Variants in HECW1 observed in about 807,000 individuals in gnomAD.
HECW1 encodes the protein HECT, C2 and WW domain containing E3 ubiquitin protein ligase 1.
Under a neutral mutation model 182.3 loss-of-function variants are expected in HECW1, and 61 were observed. The observed-to-expected ratio is 0.33, with a 90% CI of 0.27 to 0.41. HECW1 has a LOEUF of 0.41. Among genes scored for constraint, HECW1 ranks in the 10% least tolerant of loss-of-function variants. The pLI is 1.00. For missense variants in HECW1, 1,739 were observed against 2,108.9 expected (o/e 0.82, Z 3.44); for synonymous variants, 859 against 832.6 (o/e 1.03, Z -0.55).
intron 2 of HECW1, among the ~76,000 whole-genome samples, chr7:43,121,230 G>T (rs1472980842): frequency 6.6e-6 from 1 of 152,132 alleles, no homozygotes; most frequent in Non-Finnish European, 1.5e-5. Flanking sequence ...CTCAATTATT[G>T]TTGAGTTGAA....
intron 8 of HECW1, among the ~76,000 whole-genome samples, chr7:43,413,041 A>G (rs200841871): frequency 4.1e-3 from 549 of 133,504 alleles, no homozygotes; most frequent in East Asian, 0.021. Context: ...TGACTTCCAC[A>G]ATGGTTGAAC....
intron 5 of HECW1, among the ~76,000 whole-genome samples, chr7:43,326,811 G>A (rs1349900614): frequency 6.6e-6 from 1 of 152,220 alleles, no homozygotes. Context: ...GGAAAAGCAG[G>A]GCTCCAGGGG....
intron 17 of HECW1, among the ~76,000 whole-genome samples, chr7:43,486,647 T>G (rs1408512053): frequency 6.6e-6 from 1 of 152,244 alleles, no homozygotes; most frequent in Non-Finnish European, 1.5e-5. Flanking sequence ...GTGACAGCTA[T>G]GACATGACCA....
At chr7:43,209,762 G>A (rs988205111) in intron 2 of HECW1, among the ~76,000 whole-genome samples, 3 of 152,104 alleles carry the variant, frequency 2.0e-5, no homozygotes, top group African/African-American at 7.2e-5. Context: ...GAGAAGAGTG[G>A]ACATATCTGA....
chr7:43,263,185 T>C (rs463), intron 3 of HECW1, among the ~76,000 whole-genome samples: 23,440 of 152,266 alleles, frequency 0.15, 3,971 homozygotes, highest in African/African-American at 0.42. Flanking sequence ...AGGAATTTTA[T>C]TGAAGCATCT....
At chr7:43,364,491 C>T (rs1816370670) in intron 6 of HECW1, among the ~76,000 whole-genome samples, 2 of 152,336 alleles carry the variant, frequency 1.3e-5, no homozygotes, top group African/African-American at 2.4e-5. Flanking sequence ...AGTACTGGAG[C>T]GTGAAGCCTG....
At chr7:43,262,528 G>A (rs74344933) in intron 3 of HECW1, among the ~76,000 whole-genome samples, 4,956 of 152,148 alleles carry the variant, frequency 0.033, 148 homozygotes, top group East Asian at 0.16. Context: ...TTAAAACTAT[G>A]TTCTTTCCCT....
chr7:43,307,446 G>T (rs1807722636), intron 3 of HECW1, among the ~76,000 whole-genome samples: 1 of 152,180 alleles, frequency 6.6e-6, no homozygotes, highest in Admixed American at 6.5e-5. Flanking sequence ...ACCCTTTGCA[G>T]AGAGGAAAGA....
chr7:43,178,190 G>C (rs1474314976), intron 2 of HECW1, among the ~76,000 whole-genome samples: 1 of 152,144 alleles, frequency 6.6e-6, no homozygotes, highest in Non-Finnish European at 1.5e-5. Flanking sequence ...TATTTTAGTA[G>C]AGACGAGGTT....
rs775738815 is a variant in HECW1, at chr7:43,450,824, G to T, written c.2399-4G>T. 3.2e-6 allele frequency: 5 copies of T among 1,580,900 alleles called. No individual in the cohort carries two copies. Among genetic ancestry groups the T allele is most frequent in the Non-Finnish European group, 4.3e-6 (5 of 1,150,044 alleles). ...TCTGAATGTATTGACTATCTTGTCCGTAGGTGAATGTCCTATACTCCATAA... is the reference window on the plus strand; with the variant it reads ...TCTGAATGTATTGACTATCTTGTCCTTAGGTGAATGTCCTATACTCCATAA... On this transcript the variant is annotated splice_polypyrimidine_tract_variant and splice_region_variant and intron_variant, in intron 11 of 29. Transcript: ENST00000395891.
chr7:43,554,813 C>T, intron 29 of HECW1, 23 bp downstream of exon 29: 6 of 1,604,424 alleles, frequency 3.7e-6, no homozygotes, highest in Non-Finnish European at 5.1e-6. Flanking sequence ...TGCCAGCCTT[C>T]GGGGAAACCT....
At chr7:43,250,070 G>A (rs144315147) in intron 3 of HECW1, among the ~76,000 whole-genome samples, 13 of 151,190 alleles carry the variant, frequency 8.6e-5, no homozygotes, top group Middle Eastern at 3.4e-3. Flanking sequence ...TATACGCCAC[G>A]GATGGATGTG....
In HECW1 at chr7:43,565,131, T is replaced by C. The variant is rs2082299357; in HGVS notation, c.*3205T>C. ...AATGTTTTATTCTACAGTGTGAAGATGATAATCCTAAAAATGGAAATTGAT... is the reference window on the plus strand; with the variant it reads ...AATGTTTTATTCTACAGTGTGAAGACGATAATCCTAAAAATGGAAATTGAT... On this transcript the variant is annotated 3_prime_UTR_variant, in exon 30 of 30. Coordinates refer to ENST00000395891, the MANE Select transcript of HECW1 (RefSeq NM_015052.5). The C allele has an allele frequency of 5.0e-6, 1 of 199,844 alleles. No individual in the cohort carries two copies. The highest frequency in any genetic ancestry group is 6.0e-5 in the Admixed American group (1 of 16,592). The allele number at this position is 199,844 out of a possible 1,614,324, so 12.4% of individuals were successfully genotyped here. A position where few individuals can be genotyped will look rare whatever the true frequency, so the allele number is the denominator to read the frequency against.
chr7:43,222,247 A>G (rs534688342), intron 2 of HECW1, among the ~76,000 whole-genome samples: 1 of 152,338 alleles, frequency 6.6e-6, no homozygotes, highest in East Asian at 1.9e-4. Flanking sequence ...GGATCCATTC[A>G]GAGAACCTGG....
chr7:43,425,297 A>AGAT (rs759772254), intron 8 of HECW1, among the ~76,000 whole-genome samples: 1,345 of 121,536 alleles, frequency 0.011, 17 homozygotes, highest in African/African-American at 0.035. Flanking sequence ...GTAGATAGAT[A>AGAT]GATAGATGAT....
At chr7:43,313,822 A>C (rs964199001) in intron 4 of HECW1, among the ~76,000 whole-genome samples, 2 of 152,152 alleles carry the variant, frequency 1.3e-5, no homozygotes. Context: ...CACCCTCCCT[A>C]GACTGGCCTG....
chr7:43,301,691 GGT>G (rs1321362577), intron 3 of HECW1, among the ~76,000 whole-genome samples: 1 of 152,092 alleles, frequency 6.6e-6, no homozygotes, highest in African/African-American at 2.4e-5. Flanking sequence ...TGGCCAACAT[GGT>G]GAAACCCCTT....
rs141460415 is a variant in HECW1 at position 43,243,250 on chromosome 7, T to C, written c.-31-625T>C. On this transcript the variant is annotated intron_variant, in intron 2 of 29. Transcript: ENST00000395891. The surrounding 1 kb of genome is among the most constrained non-coding windows in gnomAD (Gnocchi z 4.0). ...ACTGTCCCATGCCTGGCATCTCTGC[T>C]CAAGTCCTGTATGCTAATTTTGGAC... Among the ~76,000 whole-genome samples the C allele has an allele frequency of 2.1e-3, 321 of 152,304 alleles. 1 individual carries two copies. Among genetic ancestry groups the C allele is most frequent in the African/African-American group, 7.4e-3 (309 of 41,564 alleles).
At chr7:43,158,313 A>G (rs753880348) in intron 2 of HECW1, among the ~76,000 whole-genome samples, 8 of 151,940 alleles carry the variant, frequency 5.3e-5, no homozygotes, top group Non-Finnish European at 1.0e-4. Context: ...TGAGATTCTT[A>G]TATTCATGAT....
Sources: gnomAD v4.1 joint callset for allele counts (sites outside exome capture counted in the v4.1 genomes callset) on GRCh38, gnomAD v4.1.1 for gene constraint, Gnocchi (gnomAD v3.1) non-coding constraint, MANE v1.5 for transcripts, NCBI Gene and HGNC (gene_info 2026-07-23, HGNC 2026-07-21) for gene names.